PCDH11Y: variants seen among roughly 807,000 people sequenced by gnomAD.
PCDH11Y encodes protocadherin-11 Y-linked.
For synonymous variants in PCDH11Y, 9 were observed against 83.6 expected (o/e 0.11, Z 4.87); for missense variants, 12 against 224.8 (o/e 0.05, Z 6.05).
At chrY:5,115,191 T>C in intron 2 of PCDH11Y, among the ~76,000 whole-genome samples, 1 of 18,606 alleles carries the variant, frequency 5.4e-5, no homozygotes, top group East Asian at 1.3e-3. Flanking sequence ...TCGCCCAGGC[T>C]GGAGTGCAGT....
intron 2 of PCDH11Y, among the ~76,000 whole-genome samples, chrY:5,196,622 C>T (rs2052918860): frequency 7.2e-5 from 2 of 27,783 alleles, no homozygotes; most frequent in Non-Finnish European, 1.7e-4. Flanking sequence ...TATTTCTCCA[C>T]ATCCTCTCCA....
At position 5,429,606 on chromosome Y, in the gene PCDH11Y, G is replaced by A. The variant is rs1602923983; in HGVS notation, c.3130-71451G>A. On this transcript the variant is annotated intron_variant, in intron 2 of 4. Transcript: ENST00000400457. ...TTGGAAGTCCCATCTCACTTCTCTG[G>A]CCTCAGAAAAGTGACCTTAAACCAC... is the stretch of plus-strand genomic sequence containing the variant. 9.1e-5 allele frequency among the ~76,000 whole-genome samples: 3 copies of A among 32,800 alleles called. No individual in the cohort carries two copies. In the East Asian group the frequency reaches 2.4e-3, roughly 26 times the overall value. The allele number at this position is 32,800 out of a possible 37,273, so 88.0% of individuals were successfully genotyped here.
intron 2 of PCDH11Y, among the ~76,000 whole-genome samples, chrY:5,182,992 C>T: frequency 6.0e-5 from 2 of 33,536 alleles, no homozygotes; most frequent in Admixed American, 2.7e-4. Context: ...GGGATATGTG[C>T]GGATGGATTT....
exon 2 of PCDH11Y, chrY:5,101,145 A>C: frequency 4.4e-6 from 1 of 226,546 alleles, no homozygotes; most frequent in Non-Finnish European, 5.4e-6. Flanking sequence ...TCACTTGGGA[A>C]AATCTGTGGC....
At chrY:5,414,133 C>T (rs2053250974) in intron 2 of PCDH11Y, among the ~76,000 whole-genome samples, 1 of 30,567 alleles carries the variant, frequency 3.3e-5, no homozygotes, top group Non-Finnish European at 7.8e-5. Flanking sequence ...TTTCTGATAG[C>T]TTTGTGGTTG....
chrY:5,009,020 G>A, intron 1 of PCDH11Y, among the ~76,000 whole-genome samples: 1 of 33,331 alleles, frequency 3.0e-5, no homozygotes, highest in Non-Finnish European at 7.4e-5. Context: ...GATAAGAAAA[G>A]GAAGGCTCAG....
chrY:5,082,132 G>A, intron 1 of PCDH11Y, among the ~76,000 whole-genome samples: 1 of 33,426 alleles, frequency 3.0e-5, no homozygotes, highest in South Asian at 6.6e-4. Flanking sequence ...ATAAGCATGA[G>A]GTTTCTGTCT....
At chrY:5,718,162 A>G (rs2124713737) in intron 4 of PCDH11Y, among the ~76,000 whole-genome samples, 1 of 33,402 alleles carries the variant, frequency 3.0e-5, no homozygotes, top group African/African-American at 1.2e-4. Context: ...ATAAATGGAT[A>G]ATACCTAATA....
intron 1 of PCDH11Y, among the ~76,000 whole-genome samples, chrY:5,075,855 G>C (rs1602857202): frequency 5.9e-5 from 2 of 33,732 alleles, no homozygotes; most frequent in East Asian, 7.8e-4. Context: ...ACTGTGAATA[G>C]TGCTGCAAAA....
chrY:5,348,048 A>G (rs2053154066), intron 2 of PCDH11Y, among the ~76,000 whole-genome samples: 1 of 33,350 alleles, frequency 3.0e-5, no homozygotes, highest in Admixed American at 2.8e-4. Context: ...CTACGCTGAC[A>G]TAAGTCACAG....
chrY:5,508,306 A>G, intron 3 of PCDH11Y, among the ~76,000 whole-genome samples: 1 of 33,100 alleles, frequency 3.0e-5, no homozygotes. Context: ...TGATTTTTTA[A>G]TTTACATTTT....
chrY:5,032,703 G>A, exon 3 of PCDH11Y: 1 of 396,184 alleles, frequency 2.5e-6, no homozygotes, highest in Non-Finnish European at 3.5e-6. Flanking sequence ...CTGAATGACA[G>A]TGGGTTTTAA....
At chrY:5,362,003 G>C in intron 2 of PCDH11Y, among the ~76,000 whole-genome samples, 1 of 32,737 alleles carries the variant, frequency 3.1e-5, no homozygotes, top group African/African-American at 1.2e-4. Flanking sequence ...AGTTCTAGCA[G>C]GCAATGAAGC....
At chrY:5,588,351 T>C (rs2053457799) in intron 4 of PCDH11Y, among the ~76,000 whole-genome samples, 1 of 33,201 alleles carries the variant, frequency 3.0e-5, no homozygotes, top group East Asian at 8.0e-4. Context: ...CTACTTATGA[T>C]AAGAATAGTT....
intron 2 of PCDH11Y, among the ~76,000 whole-genome samples, chrY:5,487,112 A>G: frequency 3.3e-5 from 1 of 30,307 alleles, no homozygotes; most frequent in African/African-American, 1.3e-4. Context: ...TATTACCTGA[A>G]AAATATTTGC....
At chrY:5,450,369 TG>T (rs2053292218) in intron 2 of PCDH11Y, among the ~76,000 whole-genome samples, 1 of 33,164 alleles carries the variant, frequency 3.0e-5, no homozygotes, top group Non-Finnish European at 7.5e-5. Context: ...AAATTTAATC[TG>T]GAGGATTCAC....
intron 4 of PCDH11Y, among the ~76,000 whole-genome samples, chrY:5,656,873 G>C: frequency 6.4e-5 from 2 of 31,363 alleles, no homozygotes; most frequent in African/African-American, 1.2e-4. Flanking sequence ...GCATAACACT[G>C]GCCAAAAAAA....
At chrY:5,481,086 A>G in intron 2 of PCDH11Y, among the ~76,000 whole-genome samples, 1 of 32,280 alleles carries the variant, frequency 3.1e-5, no homozygotes, top group African/African-American at 1.2e-4. Flanking sequence ...TCCAGGTGCC[A>G]CTGGGGTAGG....
chrY:5,296,022 G>C, intron 2 of PCDH11Y, among the ~76,000 whole-genome samples: 1 of 32,993 alleles, frequency 3.0e-5, no homozygotes, highest in South Asian at 6.6e-4. Context: ...TCTTTCTCCA[G>C]GATTGGTCCC....
Sources: gnomAD v4.1 joint callset for allele counts (sites outside exome capture counted in the v4.1 genomes callset) on GRCh38, gnomAD v4.1.1 for gene constraint, MANE v1.5 for transcripts, NCBI Gene and HGNC (gene_info 2026-07-23, HGNC 2026-07-21) for gene names.